Variants in AP2B1 observed in about 807,000 individuals in gnomAD.
AP2B1 encodes AP-2 complex subunit beta.
Under a neutral mutation model 102.0 loss-of-function variants are expected in AP2B1, and 23 were observed. The ratio of observed to expected loss-of-function variants is 0.23; its 90% CI spans 0.16 to 0.32. The LOEUF is 0.32. Among genes scored for constraint, AP2B1 ranks in the 10% least tolerant of loss-of-function variants. The probability of loss-of-function intolerance (pLI) is 1.00; values close to 1 mark genes in which losing one functional copy is unlikely to be tolerated. For synonymous variants in AP2B1, 381 were observed against 421.2 expected (o/e 0.90, Z 1.17); for missense variants, 541 against 1,157.4 (o/e 0.47, Z 7.73).
At chr17:35,616,142 C>CTTTTTTTTTTTTTT (rs71152739) in intron 5 of AP2B1, among the ~76,000 whole-genome samples, 1 of 57,400 alleles carries the variant, frequency 1.7e-5, no homozygotes, top group Non-Finnish European at 3.0e-5. Context: ...AAAAATATCT[C>CTTTTTTTTTTTTTT]TTTTTTTTTT....
chr17:35,693,257 A>G (rs953988988), intron 18 of AP2B1, among the ~76,000 whole-genome samples: 30 of 152,116 alleles, frequency 2.0e-4, no homozygotes, highest in Non-Finnish European at 1.0e-4. Flanking sequence ...CTTGACCTCA[A>G]GTAATCCGCC....
intron 7 of AP2B1, 29 bp downstream of exon 7, chr17:35,626,871 G>A: frequency 1.3e-6 from 2 of 1,594,846 alleles, no homozygotes; most frequent in Non-Finnish European, 8.6e-7. Context: ...GTTGATTAAA[G>A]TGTTTGTAAT....
chr17:35,669,205 A>C (rs960865298), intron 14 of AP2B1, among the ~76,000 whole-genome samples: 9 of 147,076 alleles, frequency 6.1e-5, no homozygotes, highest in Non-Finnish European at 1.3e-4. Context: ...GTGCAATGGC[A>C]TGATCTCAGC....
chr17:35,607,997 G>T, intron 4 of AP2B1, 145 bp from the exon 5 acceptor site: 1 of 939,356 alleles, frequency 1.1e-6, no homozygotes, highest in South Asian at 1.7e-5. Flanking sequence ...ACTTAGGAAA[G>T]GAATAGCATG....
chr17:35,661,650 A>T (rs914097552), intron 14 of AP2B1, among the ~76,000 whole-genome samples: 3 of 152,216 alleles, frequency 2.0e-5, no homozygotes, highest in African/African-American at 7.2e-5. Flanking sequence ...ATCCTTGCTT[A>T]CTTGCCATAA....
intron 17 of AP2B1, among the ~76,000 whole-genome samples, chr17:35,675,452 CTG>C (rs1398966668): frequency 2.0e-5 from 3 of 152,160 alleles, no homozygotes; most frequent in African/African-American, 4.8e-5. Context: ...TCTAGAAAGT[CTG>C]TGTTTCTTTC....
intron 4 of AP2B1, among the ~76,000 whole-genome samples, chr17:35,606,438 C>G (rs542901175): frequency 1.5e-3 from 228 of 152,110 alleles, no homozygotes; most frequent in African/African-American, 5.1e-3. Flanking sequence ...CAGGGTTTCA[C>G]CATGTTGGTC....
rs536262112 is a variant in AP2B1, at chr17:35,674,137, A to G, written c.2179-39A>G. On this transcript the variant is annotated intron_variant, in intron 16 of 21. Coordinates refer to ENST00000610402, the MANE Select transcript of AP2B1 (RefSeq NM_001030006.2). Reference sequence around the variant, plus strand: ...TAAAAAATGCATAGCATCAAGATAAATCTTGTCTGATTCTATTGAGCTTTA... The same window carrying G: ...TAAAAAATGCATAGCATCAAGATAAGTCTTGTCTGATTCTATTGAGCTTTA... 37 of 1,580,388 alleles carry G rather than the reference A, an allele frequency of 2.3e-5. 1 individual carries two copies. The South Asian group carries it at 4.0e-4, about 17-fold the overall frequency.
At chr17:35,655,738 C>T (rs150404842) in intron 13 of AP2B1, among the ~76,000 whole-genome samples, 1 of 152,146 alleles carries the variant, frequency 6.6e-6, no homozygotes, top group Non-Finnish European at 1.5e-5. Context: ...GCAGTTGTAC[C>T]AGTGTATACT....
At chr17:35,701,265 G>A (rs1024348611) in intron 18 of AP2B1, among the ~76,000 whole-genome samples, 2 of 151,908 alleles carry the variant, frequency 1.3e-5, no homozygotes, top group African/African-American at 4.8e-5. Context: ...TTTTTTTAAT[G>A]CCAGTTTGAA....
intron 14 of AP2B1, among the ~76,000 whole-genome samples, chr17:35,663,159 A>C (rs1014281337): frequency 6.6e-6 from 1 of 152,082 alleles, no homozygotes; most frequent in Non-Finnish European, 1.5e-5. Flanking sequence ...AATGACTTAA[A>C]AGTTTAGTTT....
At chr17:35,688,841 AT>A (rs587734262) in intron 18 of AP2B1, among the ~76,000 whole-genome samples, 66 of 152,198 alleles carry the variant, frequency 4.3e-4, no homozygotes, top group African/African-American at 1.5e-3. Flanking sequence ...GCACACGCCT[AT>A]AGTCCCAGCT....
At chr17:35,707,324 T>G (rs587681587) in intron 18 of AP2B1, among the ~76,000 whole-genome samples, 154 of 151,934 alleles carry the variant, frequency 1.0e-3, no homozygotes, top group Middle Eastern at 3.4e-3. Flanking sequence ...GGCTAATTTT[T>G]TGTATTTTAG....
chr17:35,606,991 C>T (rs796474639), intron 4 of AP2B1, among the ~76,000 whole-genome samples: 7 of 151,972 alleles, frequency 4.6e-5, no homozygotes, highest in South Asian at 2.1e-4. Flanking sequence ...CCACAACCTC[C>T]GCCTCCCGGG....
intron 21 of AP2B1, among the ~76,000 whole-genome samples, chr17:35,721,529 G>C (rs146989027): frequency 6.6e-6 from 1 of 152,158 alleles, no homozygotes; most frequent in African/African-American, 2.4e-5. Context: ...GGAGGTAGGG[G>C]TGGGGAGGTG....
chr17:35,700,459 C>T (rs989052991), intron 18 of AP2B1, among the ~76,000 whole-genome samples: 8 of 152,052 alleles, frequency 5.3e-5, no homozygotes, highest in African/African-American at 1.9e-4. Context: ...AATAATTCTT[C>T]AGAAATGTGG....
At chr17:35,668,084 C>T (rs1335775215) in intron 14 of AP2B1, among the ~76,000 whole-genome samples, 1 of 151,844 alleles carries the variant, frequency 6.6e-6, no homozygotes, top group African/African-American at 2.4e-5. Flanking sequence ...ACTACAGGTT[C>T]CCGTCACCAG....
At chr17:35,690,788 A>C (rs1311441344) in intron 18 of AP2B1, among the ~76,000 whole-genome samples, 1 of 152,112 alleles carries the variant, frequency 6.6e-6, no homozygotes, top group African/African-American at 2.4e-5. Flanking sequence ...ATACCTTGAA[A>C]ATTTTTTATT....
chr17:35,720,491 T>A (rs2085326498), intron 21 of AP2B1, among the ~76,000 whole-genome samples: 1 of 146,518 alleles, frequency 6.8e-6, no homozygotes, highest in Non-Finnish European at 1.5e-5. Flanking sequence ...ATAGATTCTG[T>A]CCTCGTGGTT....
Sources: allele counts gnomAD v4.1 joint callset (sites outside exome capture counted in the v4.1 genomes callset), GRCh38; gene constraint gnomAD v4.1.1; transcripts MANE v1.5; gene names NCBI Gene and HGNC (gene_info 2026-07-23, HGNC 2026-07-21).